The following SINHCAF variants were observed in gnomAD, a reference collection of about 807,000 sequenced individuals.
SINHCAF encodes SIN3-HDAC complex-associated factor.
Under a neutral mutation model 25.8 loss-of-function variants are expected in SINHCAF, and 3 were observed. The observed-to-expected ratio is 0.12, with a 90% CI of 0.05 to 0.30. SINHCAF has a LOEUF of 0.30. Among genes scored for constraint, SINHCAF ranks in the 10% least tolerant of loss-of-function variants. The probability of loss-of-function intolerance (pLI) is 1.00; values close to 1 mark genes in which losing one functional copy is unlikely to be tolerated. For synonymous variants in SINHCAF, 70 were observed against 85.5 expected (o/e 0.82, Z 1.00); for missense variants, 121 against 262.3 (o/e 0.46, Z 3.72).
At position 31,285,414 on chromosome 12, in the gene SINHCAF, T is replaced by TACACACACACAC. The variant is rs1258167143; in HGVS notation, c.506+2219_506+2220insGTGTGTGTGTGT. On this transcript the variant is annotated intron_variant, in intron 5 of 5. Coordinates refer to ENST00000337682, the MANE Select transcript of SINHCAF (RefSeq NM_001135812.2). ...CAACATAGACATATATTTATATATA[T>TACACACACACAC]ACATACACACACACACACACACACA... 5.1e-3 allele frequency among the ~76,000 whole-genome samples: 222 copies of TACACACACACAC among 43,950 alleles called. 1 individual carries two copies. Among genetic ancestry groups the TACACACACACAC allele is most frequent in the African/African-American group, 0.015 (204 of 13,938 alleles). The allele number at this position is 43,950 out of a possible 152,430, so 28.8% of individuals were successfully genotyped here.
intron 1 of SINHCAF, among the ~76,000 whole-genome samples, chr12:31,320,608 G>A (rs936227861): frequency 6.6e-6 from 1 of 152,088 alleles, no homozygotes; most frequent in African/African-American, 2.4e-5. Flanking sequence ...GTATATTTAA[G>A]GGCATGGAAT....
rs1406900008 is a variant in SINHCAF, at chr12:31,325,236, A to G, written c.-21+788T>C. Reference sequence around the variant, plus strand: ...TACAGGTGAACGCACCGGGAGCAAAACTTCGGGCTCCGAAAGCACCCCGGA... The same window carrying G: ...TACAGGTGAACGCACCGGGAGCAAAGCTTCGGGCTCCGAAAGCACCCCGGA... On this transcript the variant is annotated intron_variant, in intron 1 of 5. Transcript: ENST00000337682. The surrounding 1 kb of genome is among the most constrained non-coding windows in gnomAD (Gnocchi z 5.9). 1 of 456,704 alleles carries G rather than the reference A, an allele frequency of 2.2e-6. No individual in the cohort carries two copies. Among genetic ancestry groups the G allele is most frequent in the Admixed American group, 2.3e-5 (1 of 42,582 alleles). 28.3% of individuals were successfully genotyped at this position (456,704 alleles called of 1,614,324 possible).
chr12:31,324,909 A>T lies in SINHCAF; in HGVS notation c.-21+1115T>A. 2.2e-6 allele frequency: 1 copy of T among 452,094 alleles called. No individual in the cohort carries two copies. The highest frequency in any genetic ancestry group is 4.5e-6 in the Non-Finnish European group (1 of 223,836). The allele number at this position is 452,094 out of a possible 1,614,324, so 28.0% of individuals were successfully genotyped here. ...GTTGGCGACTTTCACTCTGCTTTTT[A>T]AACTGGCAAGACGCCATCATCAGCA... On this transcript the variant is annotated intron_variant, in intron 1 of 5. Coordinates refer to ENST00000337682, the MANE Select transcript of SINHCAF (RefSeq NM_001135812.2). This position sits in a 1 kb window ranked among gnomAD's most constrained non-coding sequence, Gnocchi z 5.5.
At chr12:31,282,944 T>C (rs1937868292) in intron 5 of SINHCAF, 73 bp from the exon 6 acceptor site, 1 of 1,126,922 alleles carries the variant, frequency 8.9e-7, no homozygotes, top group Non-Finnish European at 1.3e-6. Flanking sequence ...ATCTACTCAC[T>C]ATTATAACTA....
Position 31,287,666 on chromosome 12 carries a change from A to G in SINHCAF, c.474T>C (p.Val158=). Residue 158 remains valine, a synonymous_variant, in exon 5 of 6, where the codon GTT becomes GTC. Coordinates refer to ENST00000337682, the MANE Select transcript of SINHCAF (RefSeq NM_001135812.2). ...EMASGSNRTP[V]FSFLDLTYWK... The stretch of plus-strand genomic sequence containing the variant: ...AGTAAGTGAGATCTAAAAAGGAAAA[A>G]ACTGGTGTTCTGTTAGAACCAGAAG... 6.2e-7 allele frequency: 1 copy of G among 1,603,010 alleles called. No individual in the cohort carries two copies. Among genetic ancestry groups the G allele is most frequent in the Non-Finnish European group, 8.5e-7 (1 of 1,173,964 alleles).
rs577714631 is a variant in SINHCAF, at chr12:31,309,882, G to C, written c.-20-11658C>G. Among the ~76,000 whole-genome samples the C allele has an allele frequency of 2.0e-5, 3 of 152,044 alleles. No individual in the cohort carries two copies. In the South Asian group the frequency reaches 6.2e-4, roughly 32 times the overall value. On this transcript the variant is annotated intron_variant, in intron 1 of 5. Transcript: ENST00000337682. ...GGGTTTTTCCATGTTGGTCAGGCTG[G>C]TCTCAACCTCCCGAGCTCAGGTGAT... is the stretch of plus-strand genomic sequence containing the variant.
chr12:31,308,663 T>G (rs1470400512), intron 1 of SINHCAF, among the ~76,000 whole-genome samples: 4 of 152,020 alleles, frequency 2.6e-5, no homozygotes, highest in African/African-American at 9.7e-5. Flanking sequence ...GAAGTCCGAG[T>G]CTGCTAAATT....
At chr12:31,312,285 G>A (rs776715260) in intron 1 of SINHCAF, among the ~76,000 whole-genome samples, 2 of 152,104 alleles carry the variant, frequency 1.3e-5, no homozygotes, top group Admixed American at 6.6e-5. Context: ...TTCTAGGGTC[G>A]ATAGACATTT....
intron 1 of SINHCAF, among the ~76,000 whole-genome samples, chr12:31,311,243 T>A (rs1210081426): frequency 6.6e-6 from 1 of 152,174 alleles, no homozygotes; most frequent in Non-Finnish European, 1.5e-5. Context: ...GGGAGTTGGC[T>A]GTGGCAGAGG....
intron 5 of SINHCAF, 112 bp downstream of exon 5, chr12:31,287,522 A>G: frequency 1.4e-6 from 1 of 705,170 alleles, no homozygotes; most frequent in Non-Finnish European, 2.2e-6. Context: ...ATCCACTGCA[A>G]TCGTGTGTTA....
Position 31,293,933 on chromosome 12 carries a change from TG to T in SINHCAF, c.229-3del, listed in dbSNP as rs1565492551. On this transcript the variant is annotated splice_polypyrimidine_tract_variant and splice_region_variant and intron_variant, in intron 3 of 5. Transcript: ENST00000337682. ...GGGTCCAGCCCTTGCATCTACCACCTGGAAGAAAATACTGAATATTTAATAA... is the reference window on the plus strand; with the variant it reads ...GGGTCCAGCCCTTGCATCTACCACCTGAAGAAAATACTGAATATTTAATAA... 1.3e-6 allele frequency: 2 copies of T among 1,588,108 alleles called. No homozygotes were observed.
chr12:31,322,262 TGTATGTA>T (rs1443947133), intron 1 of SINHCAF, among the ~76,000 whole-genome samples: 1 of 152,192 alleles, frequency 6.6e-6, no homozygotes, highest in African/African-American at 2.4e-5. Flanking sequence ...CATTAAGCTC[TGTATGTA>T]GTATATGAAA....
At chr12:31,289,681 C>A (rs1938223500) in intron 4 of SINHCAF, among the ~76,000 whole-genome samples, 1 of 152,136 alleles carries the variant, frequency 6.6e-6, no homozygotes, top group South Asian at 2.1e-4. Context: ...CATCCCAGGA[C>A]ACGTTGACAG....
At chr12:31,310,596 C>A (rs1195707455) in intron 1 of SINHCAF, among the ~76,000 whole-genome samples, 1 of 152,102 alleles carries the variant, frequency 6.6e-6, no homozygotes, top group Non-Finnish European at 1.5e-5. Flanking sequence ...TTTGATTTTC[C>A]TTTTTCATCA....
At chr12:31,293,753 C>A in intron 4 of SINHCAF, 52 bp downstream of exon 4, 1 of 1,489,002 alleles carries the variant, frequency 6.7e-7, no homozygotes. Context: ...CCACCCCCAG[C>A]CAAAAATAAC....
intron 5 of SINHCAF, among the ~76,000 whole-genome samples, chr12:31,287,304 T>C (rs2137072807): frequency 6.6e-6 from 1 of 152,342 alleles, no homozygotes; most frequent in Middle Eastern, 3.4e-3. Flanking sequence ...CTCCTTTTCC[T>C]GATCCACTTT....
At chr12:31,306,983 C>G (rs1039395248) in intron 1 of SINHCAF, among the ~76,000 whole-genome samples, 2 of 152,202 alleles carry the variant, frequency 1.3e-5, no homozygotes, top group Non-Finnish European at 2.9e-5. Context: ...AAGTAAGATA[C>G]ATCTGTAAAC....
chr12:31,294,931 A>G (rs1480551459), intron 3 of SINHCAF, among the ~76,000 whole-genome samples: 2 of 152,218 alleles, frequency 1.3e-5, no homozygotes, highest in Non-Finnish European at 2.9e-5. Context: ...GATTTAAGAA[A>G]AAGAATTCAT....
intron 2 of SINHCAF, among the ~76,000 whole-genome samples, chr12:31,296,159 T>G (rs1938540910): frequency 6.6e-6 from 1 of 152,092 alleles, no homozygotes; most frequent in African/African-American, 2.4e-5. Flanking sequence ...GTAAATATAT[T>G]TCTTTTTTGG....
Sources: gnomAD v4.1 joint callset for allele counts (sites outside exome capture counted in the v4.1 genomes callset) on GRCh38, gnomAD v4.1.1 for gene constraint, Gnocchi (gnomAD v3.1) non-coding constraint, MANE v1.5 for transcripts, NCBI Gene and HGNC (gene_info 2026-07-23, HGNC 2026-07-21) for gene names.